The following OXR1 variants were observed in gnomAD, a reference collection of about 807,000 sequenced individuals.
The protein encoded by OXR1 is oxidation resistance 1.
Under a neutral mutation model 104.6 loss-of-function variants are expected in OXR1, and 41 were observed. The observed-to-expected ratio is 0.39, with a 90% CI of 0.31 to 0.51. OXR1 has a LOEUF of 0.51. Among genes scored for constraint, OXR1 ranks in the 20% least tolerant of loss-of-function variants. The pLI is 0.77. For missense variants in OXR1, 955 were observed against 1,031.9 expected (o/e 0.93, Z 1.02); for synonymous variants, 348 against 348.4 (o/e 1.00, Z 0.01).
chr8:106,657,898 G>C (rs1825291302), intron 3 of OXR1: 4 of 1,246,266 alleles, frequency 3.2e-6, no homozygotes, highest in Non-Finnish European at 4.0e-6. Context: ...GGTCAGGTCT[G>C]ATGGGCCGGT....
chr8:106,651,053 A>C (rs1824528351), intron 3 of OXR1, among the ~76,000 whole-genome samples: 1 of 152,206 alleles, frequency 6.6e-6, no homozygotes, highest in Admixed American at 6.5e-5. Flanking sequence ...AAGTGAGGAC[A>C]CTGAGTCAAA....
chr8:106,296,478 CATTATT>C (rs1435207442), intron 1 of OXR1, among the ~76,000 whole-genome samples: 1 of 152,034 alleles, frequency 6.6e-6, no homozygotes, highest in Non-Finnish European at 1.5e-5. Flanking sequence ...AGGAAGATGG[CATTATT>C]ATTACATTTT....
chr8:106,385,219 G>A (rs1358667134), intron 2 of OXR1, among the ~76,000 whole-genome samples: 1 of 152,164 alleles, frequency 6.6e-6, no homozygotes, highest in Non-Finnish European at 1.5e-5. Flanking sequence ...TACTTTCCCT[G>A]GAACAGCAGT....
intron 3 of OXR1, among the ~76,000 whole-genome samples, chr8:106,544,749 A>G (rs530981588): frequency 6.6e-6 from 1 of 152,374 alleles, no homozygotes; most frequent in African/African-American, 2.4e-5. Context: ...GTTTGGAACA[A>G]GACAATAGTC....
chr8:106,548,165 A>G (rs1815519341), intron 3 of OXR1, among the ~76,000 whole-genome samples: 1 of 152,166 alleles, frequency 6.6e-6, no homozygotes, highest in Admixed American at 6.6e-5. Context: ...AATAATAGTC[A>G]TCCTAATGAG....
chr8:106,666,439 G>A (rs760468340), intron 3 of OXR1, among the ~76,000 whole-genome samples: 1 of 152,172 alleles, frequency 6.6e-6, no homozygotes, highest in African/African-American at 2.4e-5. Flanking sequence ...GTAGCAACTA[G>A]TGTTAAAGGA....
intron 1 of OXR1, among the ~76,000 whole-genome samples, chr8:106,314,748 A>T (rs985252327): frequency 6.6e-6 from 1 of 152,216 alleles, no homozygotes; most frequent in Non-Finnish European, 1.5e-5. Flanking sequence ...TACCTCTGGC[A>T]TATATAGGCA....
rs1815139301 is a variant in OXR1, at chr8:106,339,522, ATAT to A, written c.-138-19953_-138-19951del. ...AAAAAAAAAAAAAAAAAAAAAAAAT[ATAT>A]ATATATATATATATATATATATATA... On this transcript the variant is annotated intron_variant, in intron 1 of 16. Coordinates refer to ENST00000517566, the MANE Select transcript of OXR1 (RefSeq NM_001198533.2). 4.0e-3 allele frequency among the ~76,000 whole-genome samples: 77 copies of A among 19,284 alleles called. 3 individuals carry two copies. Among genetic ancestry groups the A allele is most frequent in the African/African-American group, 5.6e-3 (25 of 4,478 alleles). 12.7% of individuals were successfully genotyped at this position (19,284 alleles called of 152,430 possible).
At chr8:106,479,202 A>G (rs1290687887) in intron 2 of OXR1, among the ~76,000 whole-genome samples, 1 of 152,020 alleles carries the variant, frequency 6.6e-6, no homozygotes, top group Non-Finnish European at 1.5e-5. Flanking sequence ...AAATATTTAG[A>G]ATAATACAGT....
chr8:106,505,108 T>C (rs1489552089), intron 2 of OXR1, among the ~76,000 whole-genome samples: 1 of 152,216 alleles, frequency 6.6e-6, no homozygotes, highest in Non-Finnish European at 1.5e-5. Context: ...ATAGCTGTAT[T>C]TTTACATAAC....
chr8:106,490,343 T>TTTGA (rs148049476), intron 2 of OXR1, among the ~76,000 whole-genome samples: 7,581 of 151,730 alleles, frequency 0.05, 226 homozygotes, highest in African/African-American at 0.07. Context: ...GGATGCGGTA[T>TTTGA]TTGATTGATT....
intron 12 of OXR1, 26 bp from the exon 13 acceptor site, chr8:106,739,432 T>C (rs747118465): frequency 6.3e-7 from 1 of 1,599,140 alleles, no homozygotes; most frequent in South Asian, 1.1e-5. Context: ...TTTACATTAA[T>C]GCACTACCTC....
In OXR1 at chr8:106,707,005, CACAG is replaced by C. The variant is rs1209071723; in HGVS notation, c.1490_1493del (p.Thr497ArgfsTer43). 3 of 1,613,734 alleles carry C rather than the reference CACAG, an allele frequency of 1.9e-6. No homozygotes were observed. The highest frequency in any genetic ancestry group is 1.3e-5 in the African/African-American group (1 of 74,870). On this transcript the variant is annotated frameshift_variant, in exon 9 of 17. Coordinates refer to ENST00000517566, the MANE Select transcript of OXR1 (RefSeq NM_001198533.2). LOFTEE classifies it high-confidence loss of function. ...CAAGGAAAGGAGCAAAATCAGGACT[CACAG>C]ACAGAGGCAGAAGAGCTACGCAAAC...
At chr8:106,540,068 A>T (rs975671807) in intron 3 of OXR1, among the ~76,000 whole-genome samples, 1 of 152,230 alleles carries the variant, frequency 6.6e-6, no homozygotes, top group Non-Finnish European at 1.5e-5. Context: ...AAGTATACAT[A>T]TACAGATTTC....
intron 3 of OXR1, among the ~76,000 whole-genome samples, chr8:106,666,963 A>C (rs1430113834): frequency 6.6e-6 from 1 of 152,210 alleles, no homozygotes; most frequent in Non-Finnish European, 1.5e-5. Context: ...AAATTAATTT[A>C]ATTAAGTAAA....
Position 106,671,008 on chromosome 8 carries a change from G to A in OXR1, c.221-8202G>A, listed in dbSNP as rs371328633. Among the ~76,000 whole-genome samples the A allele has an allele frequency of 3.2e-5, 4 of 125,948 alleles. No individual in the cohort carries two copies. In the East Asian group the frequency reaches 9.1e-4, roughly 29 times the overall value. 82.6% of individuals were successfully genotyped at this position (125,948 alleles called of 152,430 possible). A position where few individuals can be genotyped will look rare whatever the true frequency, so the allele number is the denominator to read the frequency against. On this transcript the variant is annotated intron_variant, in intron 3 of 16. Transcript: ENST00000517566. ...TATAGTGAGCCAAAATTGCACCTCT[G>A]CACTCCAGCCTGGGTGACAGAGTGA...
In OXR1 at chr8:106,730,633, A is replaced by G. The variant is rs1232820440; in HGVS notation, c.1957-6887A>G. ...ACTTCTTTACCCATTCACCTGGTAA[A>G]GGACATTTTGCTTTCTTCCACCTTT... On this transcript the variant is annotated intron_variant, in intron 11 of 16. Coordinates refer to ENST00000517566, the MANE Select transcript of OXR1 (RefSeq NM_001198533.2). Among the ~76,000 whole-genome samples, 7 of 152,320 alleles carry G rather than the reference A, an allele frequency of 4.6e-5. No homozygotes were observed. In the East Asian group the frequency reaches 1.3e-3, roughly 29 times the overall value.
intron 2 of OXR1, among the ~76,000 whole-genome samples, chr8:106,370,170 G>A (rs181738615): frequency 5.3e-5 from 8 of 152,184 alleles, no homozygotes; most frequent in East Asian, 1.9e-4. Flanking sequence ...ATTGTGAATC[G>A]GAGTTCATTC....
chr8:106,361,887 G>C (rs775704686), intron 2 of OXR1, among the ~76,000 whole-genome samples: 1 of 152,154 alleles, frequency 6.6e-6, no homozygotes, highest in African/African-American at 2.4e-5. Context: ...GCTTGATTTA[G>C]CCTGACTAGT....
Sources: gnomAD v4.1 joint callset for allele counts (sites outside exome capture counted in the v4.1 genomes callset) on GRCh38, gnomAD v4.1.1 for gene constraint, MANE v1.5 for transcripts, NCBI Gene and HGNC (gene_info 2026-07-23, HGNC 2026-07-21) for gene names.